Variants in IGSF6 observed in about 807,000 individuals in gnomAD.
IGSF6 encodes the protein immunoglobulin superfamily member 6, also known as down-regulated by activation (immunoglobulin superfamily).
In IGSF6, 23 loss-of-function variants were observed where a neutral mutation model predicts 24.7. That is an observed-to-expected ratio of 0.93 (90% CI 0.67 to 1.32). IGSF6 has a LOEUF of 1.32. IGSF6 is among the 40% of genes most tolerant of loss of function. The probability of loss-of-function intolerance (pLI) is 0.00; values close to 1 mark genes in which losing one functional copy is unlikely to be tolerated. For missense variants in IGSF6, 295 were observed against 293.6 expected, an observed-to-expected ratio of 1.00 and a Z score of -0.04; for synonymous variants, 110 against 113.7, an observed-to-expected ratio of 0.97 and a Z score of 0.21.
rs368761095 is a variant in IGSF6 at position 21,640,596 on chromosome 16, C to CAAAAAAAAAA, written c.*928_*937dup. ...TGAAACCCCGTCTCTACTAAAAATA[C>CAAAAAAAAAA]AAAAAAAAAAAAAAAAAAAAATTAG... is the stretch of plus-strand genomic sequence containing the variant. On this transcript the variant is annotated 3_prime_UTR_variant, in exon 6 of 6. Transcript: ENST00000268389. The CAAAAAAAAAA allele has an allele frequency of 6.5e-4, 42 of 65,116 alleles. No homozygotes were observed. The highest frequency in any genetic ancestry group is 1.1e-3 in the African/African-American group (24 of 22,234). 4.0% of individuals were successfully genotyped at this position (65,116 alleles called of 1,614,324 possible).
intron 2 of IGSF6, chr16:21,646,426 T>C (rs1441039886): frequency 1.3e-5 from 2 of 152,552 alleles, no homozygotes; most frequent in Non-Finnish European, 2.9e-5. Context: ...TTTATTGATC[T>C]TTTACACTTC....
In IGSF6 at chr16:21,641,326, T is replaced by C. The variant is rs955002427; in HGVS notation, c.*208A>G. 5.2e-6 allele frequency: 2 copies of C among 385,266 alleles called. No individual in the cohort carries two copies. The highest frequency in any genetic ancestry group is 9.3e-6 in the Non-Finnish European group (2 of 214,712). 23.9% of individuals were successfully genotyped at this position (385,266 alleles called of 1,614,324 possible). A position where few individuals can be genotyped will look rare whatever the true frequency, so the allele number is the denominator to read the frequency against. ...TTTTTTTCTTGGCAAATTTGGAAGG[T>C]ATTTTTCAGTTGCATTTTGTTGGGT... On this transcript the variant is annotated 3_prime_UTR_variant, in exon 6 of 6. Transcript: ENST00000268389.
chr16:21,647,047 C>G (rs1567346747), intron 2 of IGSF6, 86 bp downstream of exon 2: 19 of 1,568,084 alleles, frequency 1.2e-5, no homozygotes, highest in South Asian at 1.1e-4. Flanking sequence ...AATTTATCTC[C>G]TGATTTCTAC....
chr16:21,645,371 T>A (rs1330423874), intron 2 of IGSF6, among the ~76,000 whole-genome samples: 1 of 152,116 alleles, frequency 6.6e-6, no homozygotes, highest in Non-Finnish European at 1.5e-5. Context: ...GAGAATCGCT[T>A]GAACCCGGAA....
At chr16:21,652,421 A>G in intron 1 of IGSF6, 111 bp downstream of exon 1, 2 of 748,820 alleles carry the variant, frequency 2.7e-6, no homozygotes, top group Non-Finnish European at 4.2e-6. Flanking sequence ...CAGTTTTCAT[A>G]ATGTTATACA....
rs778857819 is a variant in IGSF6, at chr16:21,640,272, G to A, written c.*1262C>T. 14 of 152,000 alleles carry A rather than the reference G, an allele frequency of 9.2e-5. No individual in the cohort carries two copies. The highest frequency in any genetic ancestry group is 1.7e-4 in the African/African-American group (7 of 41,388). The allele number at this position is 152,000 out of a possible 1,614,324, so 9.4% of individuals were successfully genotyped here. A position where few individuals can be genotyped will look rare whatever the true frequency, so the allele number is the denominator to read the frequency against. On this transcript the variant is annotated 3_prime_UTR_variant, in exon 6 of 6. Transcript: ENST00000268389. ...CACTTTAATGAAATAAACATAGTAG[G>A]TTGTAAGGTTGTAATTTGTGTCTAA...
In IGSF6 at chr16:21,640,623, CG is replaced by C. The variant is rs1442166023; in HGVS notation, c.*910del. The C allele has an allele frequency of 6.7e-6, 1 of 149,038 alleles. No individual in the cohort carries two copies. Among genetic ancestry groups the C allele is most frequent in the Non-Finnish European group, 1.5e-5 (1 of 67,376 alleles). The allele number at this position is 149,038 out of a possible 1,614,324, so 9.2% of individuals were successfully genotyped here. ...AAAAAAAAAAAAAAAAAAAATTAGC[CG>C]GGCGTGGTGGTGCGTACCTGTAATC... is the stretch of plus-strand genomic sequence containing the variant. On this transcript the variant is annotated 3_prime_UTR_variant, in exon 6 of 6. Coordinates refer to ENST00000268389, the MANE Select transcript of IGSF6 (RefSeq NM_005849.4).
In IGSF6 at chr16:21,641,591, C is replaced by T. The variant is rs1161985210; in HGVS notation, c.669G>A (p.Glu223=). The change falls in exon 6 of 6, where the codon GAG becomes GAA. Residue 223 remains glutamate (E), a splice_region_variant and synonymous_variant. Coordinates refer to ENST00000268389, the MANE Select transcript of IGSF6 (RefSeq NM_005849.4). ...TGTTTTCATAAGTGTTGTTATCTTT[C>T]TCCTGCAATAATAAATAAATAGAAA... The part of the protein sequence containing the change: ...KRHVETNQQS[E]KDNNTYENRR... The T allele has an allele frequency of 6.4e-7, 1 of 1,564,098 alleles. No homozygotes were observed. The highest frequency in any genetic ancestry group is 8.8e-7 in the Non-Finnish European group (1 of 1,137,656).
At chr16:21,643,719 T>A in intron 3 of IGSF6, 121 bp from the exon 4 acceptor site, 2 of 626,382 alleles carry the variant, frequency 3.2e-6, no homozygotes, top group Non-Finnish European at 2.8e-6. Context: ...CAATGAGACT[T>A]AATTTTTACA....
chr16:21,644,455 A>AT (rs772131869), intron 2 of IGSF6, 59 bp from the exon 3 acceptor site: 14 of 1,202,928 alleles, frequency 1.2e-5, no homozygotes, highest in Non-Finnish European at 1.7e-5. Flanking sequence ...TTTCAAATAC[A>AT]TGTGTAAAGT....
rs1274808912 is a variant in IGSF6, at chr16:21,647,499, G to A, written c.68-7C>T. 6 of 1,604,062 alleles carry A rather than the reference G, an allele frequency of 3.7e-6. No individual in the cohort carries two copies. Among genetic ancestry groups the A allele is most frequent in the Middle Eastern group, 1.7e-4 (1 of 5,956 alleles). On this transcript the variant is annotated splice_region_variant and splice_polypyrimidine_tract_variant and intron_variant, in intron 1 of 5. Coordinates refer to ENST00000268389, the MANE Select transcript of IGSF6 (RefSeq NM_005849.4). The stretch of plus-strand genomic sequence containing the variant: ...GTACAGGCGCCCACAGCACCTGTGG[G>A]AGGAAGCAGATGAGTGGGTTAATGG...
At chr16:21,642,343 A>T (rs1490979126) in intron 5 of IGSF6, 1 of 152,254 alleles carries the variant, frequency 6.6e-6, no homozygotes. Context: ...TACAGAGAAG[A>T]TTAGCATGGC....
At chr16:21,645,174 T>C (rs1679965089) in intron 2 of IGSF6, among the ~76,000 whole-genome samples, 3 of 152,194 alleles carry the variant, frequency 2.0e-5, no homozygotes, top group African/African-American at 7.2e-5. Context: ...TAGATGAGAC[T>C]GAGTGTGATG....
rs765895866 is a variant in IGSF6 at position 21,643,122 on chromosome 16, A to G, written c.618T>C (p.Ile206=). The G allele has an allele frequency of 6.2e-7, 1 of 1,609,642 alleles. No homozygotes were observed. Among genetic ancestry groups the G allele is most frequent in the South Asian group, 1.1e-5 (1 of 91,002 alleles). ...KKSARRIFQE[I]AQELYHKRHV... is the part of the protein sequence containing the mutation. ...GTCTCTTATGGTATAGTTCTTGAGC[A>G]ATTTCCTGAAAAATACGCCGAGCAC... The change falls in exon 5 of 6, where the codon ATT becomes ATC. Residue 206 remains isoleucine (I), a synonymous_variant. Transcript: ENST00000268389.
chr16:21,643,092 C>G lies in IGSF6; in HGVS notation c.648G>C (p.Val216=). 3.1e-6 allele frequency: 5 copies of G among 1,604,624 alleles called. No homozygotes were observed. The highest frequency in any genetic ancestry group is 4.3e-6 in the Non-Finnish European group (5 of 1,174,236). The stretch of plus-strand genomic sequence containing the variant: ...CACTTACAGATTGCTGATTTGTTTC[C>G]ACATGTCTCTTATGGTATAGTTCTT... ...IAQELYHKRH[V]ETNQQSEKDN... Residue 216 remains valine, a synonymous_variant, in exon 5 of 6, where the codon GTG becomes GTC. Coordinates refer to ENST00000268389, the MANE Select transcript of IGSF6 (RefSeq NM_005849.4).
rs368761095 is a variant in IGSF6 at position 21,640,596 on chromosome 16, C to CAAAAAAAA, written c.*930_*937dup. On this transcript the variant is annotated 3_prime_UTR_variant, in exon 6 of 6. Coordinates refer to ENST00000268389, the MANE Select transcript of IGSF6 (RefSeq NM_005849.4). ...TGAAACCCCGTCTCTACTAAAAATA[C>CAAAAAAAA]AAAAAAAAAAAAAAAAAAAAATTAG... The CAAAAAAAA allele has an allele frequency of 2.4e-4, 16 of 65,574 alleles. No homozygotes were observed. The highest frequency in any genetic ancestry group is 7.1e-4 in the East Asian group (1 of 1,404). The allele number at this position is 65,574 out of a possible 1,614,324, so 4.1% of individuals were successfully genotyped here. A position where few individuals can be genotyped will look rare whatever the true frequency, so the allele number is the denominator to read the frequency against.
intron 2 of IGSF6, among the ~76,000 whole-genome samples, chr16:21,645,218 C>T (rs939350174): frequency 6.6e-6 from 1 of 152,102 alleles, no homozygotes. Flanking sequence ...TTTGAGAGGC[C>T]GAGGTGGGCA....
At chr16:21,643,954 G>A (rs978666200) in intron 3 of IGSF6, among the ~76,000 whole-genome samples, 5 of 151,940 alleles carry the variant, frequency 3.3e-5, no homozygotes, top group Admixed American at 1.3e-4. Context: ...TAAGGCTTTC[G>A]TAGATAACAG....
At position 21,644,407 on chromosome 16, in the gene IGSF6, A is replaced by ATTAAG; in HGVS notation, c.428-12_428-11insCTTAA. 1 of 1,580,614 alleles carries ATTAAG rather than the reference A, an allele frequency of 6.3e-7. No individual in the cohort carries two copies. The highest frequency in any genetic ancestry group is 8.7e-7 in the Non-Finnish European group (1 of 1,149,860). ...TGAGCAGCTTAATTTCTTAATGACA[A>ATTAAG]AAACAGAAAGAAGCACATTGACTAT... On this transcript the variant is annotated splice_polypyrimidine_tract_variant and intron_variant, in intron 2 of 5. Coordinates refer to ENST00000268389, the MANE Select transcript of IGSF6 (RefSeq NM_005849.4).
Sources: gnomAD v4.1 joint callset for allele counts (sites outside exome capture counted in the v4.1 genomes callset) on GRCh38, gnomAD v4.1.1 for gene constraint, MANE v1.5 for transcripts, NCBI Gene and HGNC (gene_info 2026-07-23, HGNC 2026-07-21) for gene names.